The following ANKRD6 variants were observed in gnomAD, a reference collection of about 807,000 sequenced individuals.
ANKRD6 encodes the protein ankyrin repeat domain 6, also known as ankyrin repeat domain-containing protein 6.
In ANKRD6, 56 loss-of-function variants were observed where a neutral mutation model predicts 82.3. The ratio of observed to expected loss-of-function variants is 0.68; its 90% CI spans 0.55 to 0.85. The LOEUF is 0.85. Ranked by LOEUF, ANKRD6 falls within the 40% of genes least tolerant of loss-of-function variation. ANKRD6 has a pLI of 0.00. For synonymous variants in ANKRD6, 347 were observed against 352.1 expected (o/e 0.99, Z 0.16); for missense variants, 852 against 907.6 (o/e 0.94, Z 0.79).
chr6:89,482,113 A>G (rs1776884591), intron 1 of ANKRD6, among the ~76,000 whole-genome samples: 1 of 152,232 alleles, frequency 6.6e-6, no homozygotes, highest in African/African-American at 2.4e-5. Context: ...CTTTGCTTCT[A>G]AGTCCCAGAC....
chr6:89,452,725 C>A (rs908519172), intron 1 of ANKRD6, among the ~76,000 whole-genome samples: 3 of 152,108 alleles, frequency 2.0e-5, no homozygotes, highest in Non-Finnish European at 2.9e-5. Context: ...GCACCCAAAC[C>A]TGGCTGAATT....
At chr6:89,628,891 C>A (rs141052180) in intron 14 of ANKRD6, 17 of 531,394 alleles carry the variant, frequency 3.2e-5, no homozygotes, top group African/African-American at 3.1e-4. Context: ...CCCATGAGGC[C>A]CCACCTCCAA....
intron 1 of ANKRD6, among the ~76,000 whole-genome samples, chr6:89,520,828 A>C (rs1020137427): frequency 6.6e-6 from 1 of 152,184 alleles, no homozygotes; most frequent in Non-Finnish European, 1.5e-5. Context: ...TGGGCTGGGC[A>C]TGGTGGCTCA....
At chr6:89,532,934 C>T (rs536944269) in intron 1 of ANKRD6, among the ~76,000 whole-genome samples, 31 of 150,912 alleles carry the variant, frequency 2.1e-4, no homozygotes, top group African/African-American at 4.4e-4. Context: ...GAGCCAGTGG[C>T]GTGATCTTGG....
At chr6:89,491,094 G>C (rs1001002546) in intron 1 of ANKRD6, among the ~76,000 whole-genome samples, 3 of 151,968 alleles carry the variant, frequency 2.0e-5, no homozygotes, top group East Asian at 1.9e-4. Context: ...AAGCTGGAAG[G>C]GTTCTCCCCA....
At chr6:89,491,775 C>T (rs912428658) in intron 1 of ANKRD6, among the ~76,000 whole-genome samples, 14 of 151,494 alleles carry the variant, frequency 9.2e-5, no homozygotes, top group African/African-American at 3.4e-4. Flanking sequence ...TACCCTAGAA[C>T]TTAAAGTATA....
At chr6:89,546,420 C>T (rs779753072) in intron 1 of ANKRD6, among the ~76,000 whole-genome samples, 91 of 151,920 alleles carry the variant, frequency 6.0e-4, no homozygotes, top group African/African-American at 2.1e-3. Context: ...GTGTGGTGGG[C>T]GGGGGGACAG....
intron 5 of ANKRD6, among the ~76,000 whole-genome samples, chr6:89,610,995 C>T (rs763595897): frequency 5.9e-5 from 9 of 151,898 alleles, no homozygotes; most frequent in Non-Finnish European, 1.0e-4. Context: ...GAAAGCTTCC[C>T]CAGGTGATTC....
At chr6:89,506,364 G>C (rs901088282) in intron 1 of ANKRD6, among the ~76,000 whole-genome samples, 1 of 151,978 alleles carries the variant, frequency 6.6e-6, no homozygotes, top group African/African-American at 2.4e-5. Flanking sequence ...ACCCAGGCTG[G>C]GGTGCAGTGG....
chr6:89,484,914 C>T (rs1472712525), intron 1 of ANKRD6, among the ~76,000 whole-genome samples: 1 of 152,218 alleles, frequency 6.6e-6, no homozygotes, highest in Admixed American at 6.5e-5. Context: ...CTATCTCTAG[C>T]TACCTAGGTG....
chr6:89,630,614 A>G lies in ANKRD6; in HGVS notation c.1794A>G (p.Leu598=), dbSNP rs1807188484. The G allele has an allele frequency of 1.2e-6, 2 of 1,613,796 alleles. No individual in the cohort carries two copies. Among genetic ancestry groups the G allele is most frequent in the African/African-American group, 2.7e-5 (2 of 74,926 alleles). Residue 598 remains leucine (L), a synonymous_variant, in exon 16 of 16, where the codon CTA becomes CTG. Transcript: ENST00000339746. The part of the protein sequence containing the change: ...LRNVKVQTAL[L]PMNEAARSDQ... ...ACGTCAAGGTCCAGACAGCCTTGCT[A>G]CCCATGAATGAGGCAGCCAGATCTG...
chr6:89,623,275 C>G, intron 10 of ANKRD6, 135 bp from the exon 11 acceptor site: 1 of 1,237,408 alleles, frequency 8.1e-7, no homozygotes, highest in Non-Finnish European at 1.1e-6. Flanking sequence ...TTTCCTATGT[C>G]TGAAATTTAT....
At chr6:89,480,591 A>G (rs1307070089) in intron 1 of ANKRD6, among the ~76,000 whole-genome samples, 1 of 150,808 alleles carries the variant, frequency 6.6e-6, no homozygotes, top group Non-Finnish European at 1.5e-5. Context: ...TATTTTTAAA[A>G]AAGATATCCT....
chr6:89,616,456 C>T, intron 7 of ANKRD6, 103 bp from the exon 8 acceptor site: 1 of 1,048,240 alleles, frequency 9.5e-7, no homozygotes, highest in South Asian at 1.4e-5. Flanking sequence ...TCAGGCAAAT[C>T]TCAGTTTGAC....
chr6:89,453,834 C>T (rs1371769499), intron 1 of ANKRD6, among the ~76,000 whole-genome samples: 1 of 151,664 alleles, frequency 6.6e-6, no homozygotes. Flanking sequence ...TGGAGTCTCG[C>T]TCTGTCGCCC....
intron 1 of ANKRD6, among the ~76,000 whole-genome samples, chr6:89,499,561 G>C (rs543088711): frequency 6.6e-6 from 1 of 152,092 alleles, no homozygotes; most frequent in Non-Finnish European, 1.5e-5. Flanking sequence ...TCGCAGTGCT[G>C]GGGGGAGGGT....
intron 1 of ANKRD6, among the ~76,000 whole-genome samples, chr6:89,495,210 G>A (rs1778459137): frequency 6.6e-6 from 1 of 152,168 alleles, no homozygotes; most frequent in Admixed American, 6.5e-5. Flanking sequence ...GCCAGCCTGG[G>A]CAACAGAGCG....
At chr6:89,445,197 C>T (rs1327832178) in intron 1 of ANKRD6, among the ~76,000 whole-genome samples, 1 of 150,846 alleles carries the variant, frequency 6.6e-6, no homozygotes, top group African/African-American at 2.4e-5. Context: ...GTAATTCTCA[C>T]AATATTTCAC....
intron 1 of ANKRD6, among the ~76,000 whole-genome samples, chr6:89,452,728 G>A (rs1773004869): frequency 6.6e-6 from 1 of 152,010 alleles, no homozygotes; most frequent in African/African-American, 2.4e-5. Flanking sequence ...CCCAAACCTG[G>A]CTGAATTACC....
Sources: allele counts gnomAD v4.1 joint callset (sites outside exome capture counted in the v4.1 genomes callset), GRCh38; gene constraint gnomAD v4.1.1; transcripts MANE v1.5; gene names NCBI Gene and HGNC (gene_info 2026-07-23, HGNC 2026-07-21).